The following SPIDR variants were observed in gnomAD, a reference collection of about 807,000 sequenced individuals.
SPIDR encodes the protein DNA repair-scaffolding protein.
Under a neutral mutation model 104.6 loss-of-function variants are expected in SPIDR, and 93 were observed. The ratio of observed to expected loss-of-function variants is 0.89; its 90% CI spans 0.75 to 1.06. The LOEUF (loss-of-function observed/expected upper bound fraction) is 1.06, where lower values mean the gene tolerates loss of function less well. Among genes scored for constraint, SPIDR ranks in the 50% least tolerant of loss-of-function variants. SPIDR has a pLI of 0.00. For synonymous variants in SPIDR, 431 were observed against 416.9 expected, an observed-to-expected ratio of 1.03 and a Z score of -0.41; for missense variants, 1,154 against 1,111.2, an observed-to-expected ratio of 1.04 and a Z score of -0.55.
At chr8:47,371,296 G>A (rs2057993346) in intron 5 of SPIDR, among the ~76,000 whole-genome samples, 1 of 152,114 alleles carries the variant, frequency 6.6e-6, no homozygotes, top group Non-Finnish European at 1.5e-5. Flanking sequence ...TAGATCACAG[G>A]GATTAAGAGC....
At chr8:47,588,358 T>TGGG (rs2060560163) in intron 8 of SPIDR, among the ~76,000 whole-genome samples, 1 of 151,486 alleles carries the variant, frequency 6.6e-6, no homozygotes, top group Non-Finnish European at 1.5e-5. Flanking sequence ...TTAAATGGTA[T>TGGG]GTTTTTCCCA....
intron 7 of SPIDR, 87 bp from the exon 8 acceptor site, chr8:47,440,236 G>A (rs2069148244): frequency 2.5e-6 from 3 of 1,195,738 alleles, no homozygotes; most frequent in African/African-American, 1.5e-5. Context: ...ATCTGCATGT[G>A]GATCTTTTTT....
chr8:47,530,769 CTT>C (rs1039348075), intron 8 of SPIDR, among the ~76,000 whole-genome samples: 2 of 152,146 alleles, frequency 1.3e-5, no homozygotes, highest in African/African-American at 4.8e-5. Flanking sequence ...TTTACTGTAA[CTT>C]TTTTACTTCA....
intron 8 of SPIDR, among the ~76,000 whole-genome samples, chr8:47,459,339 T>C (rs1719820739): frequency 6.6e-6 from 1 of 152,154 alleles, no homozygotes; most frequent in African/African-American, 2.4e-5. Flanking sequence ...CTGTTCAGGG[T>C]TTCTAATTCT....
At chr8:47,310,415 T>C (rs587718643) in intron 5 of SPIDR, among the ~76,000 whole-genome samples, 1 of 152,020 alleles carries the variant, frequency 6.6e-6, no homozygotes, top group Admixed American at 6.5e-5. Context: ...GGAGTTGTGC[T>C]TTTAATAATT....
At chr8:47,297,069 T>A (rs1444289767) in intron 5 of SPIDR, among the ~76,000 whole-genome samples, 2 of 152,236 alleles carry the variant, frequency 1.3e-5, no homozygotes, top group Admixed American at 1.3e-4. Flanking sequence ...AGATTTTGTA[T>A]CCTGCAACTT....
At chr8:47,660,844 TG>T in intron 10 of SPIDR, 1 of 503,086 alleles carries the variant, frequency 2.0e-6, no homozygotes, top group Non-Finnish European at 2.6e-6. Flanking sequence ...TTAGGAGAGC[TG>T]GCCCTTAATG....
At chr8:47,408,076 T>G (rs1251211980) in intron 7 of SPIDR, 115 bp downstream of exon 7, 1 of 508,616 alleles carries the variant, frequency 2.0e-6, no homozygotes, top group Non-Finnish European at 3.4e-6. Context: ...TTTTAAAAAT[T>G]TTTTCCAACA....
At chr8:47,732,336 T>C (rs1232182012) in intron 19 of SPIDR, 2 of 637,832 alleles carry the variant, frequency 3.1e-6, no homozygotes, top group Admixed American at 4.8e-5. Context: ...AGAGCACCTT[T>C]GCCCATGCCC....
In SPIDR at chr8:47,311,712, C is replaced by CT. The variant is rs782752868; in HGVS notation, c.525+17693dup. 7.1e-3 allele frequency among the ~76,000 whole-genome samples: 1,031 copies of CT among 145,462 alleles called. 5 individuals are homozygous for CT. Among genetic ancestry groups the CT allele is most frequent in the African/African-American group, 6.6e-3 (265 of 39,944 alleles). On this transcript the variant is annotated intron_variant, in intron 5 of 19. Coordinates refer to ENST00000297423, the MANE Select transcript of SPIDR (RefSeq NM_001080394.4). ...AATGCTAATGAATGGTAGCTGACTTCTTTTTTTTTTTATATTATTATTATA... is the reference window on the plus strand; with the variant it reads ...AATGCTAATGAATGGTAGCTGACTTCTTTTTTTTTTTTATATTATTATTATA...
chr8:47,706,565 C>G (rs2081114970), intron 14 of SPIDR, among the ~76,000 whole-genome samples: 1 of 152,168 alleles, frequency 6.6e-6, no homozygotes, highest in Non-Finnish European at 1.5e-5. Context: ...AGTCAGAATC[C>G]TCCGCTGTGC....
At chr8:47,330,006 A>C (rs892753576) in intron 5 of SPIDR, among the ~76,000 whole-genome samples, 1 of 152,236 alleles carries the variant, frequency 6.6e-6, no homozygotes, top group Non-Finnish European at 1.5e-5. Context: ...TTTTAATTAG[A>C]TAATTACTTT....
At chr8:47,304,997 G>A (rs2042880968) in intron 5 of SPIDR, among the ~76,000 whole-genome samples, 1 of 152,172 alleles carries the variant, frequency 6.6e-6, no homozygotes, top group African/African-American at 2.4e-5. Context: ...GAAGGTGTAG[G>A]ACAAAGGTCC....
At chr8:47,306,204 C>T (rs1034991977) in intron 5 of SPIDR, among the ~76,000 whole-genome samples, 6 of 151,878 alleles carry the variant, frequency 4.0e-5, no homozygotes, top group Non-Finnish European at 8.8e-5. Context: ...TGCAGTGGTG[C>T]GATCTTGACT....
chr8:47,454,805 A>G (rs1359866371), intron 8 of SPIDR, among the ~76,000 whole-genome samples: 23 of 152,090 alleles, frequency 1.5e-4, no homozygotes, highest in African/African-American at 5.3e-4. Context: ...ACTTGAGGCT[A>G]CAGTGTGCTA....
chr8:47,622,449 G>T (rs575855017), intron 10 of SPIDR, among the ~76,000 whole-genome samples: 1 of 152,028 alleles, frequency 6.6e-6, no homozygotes, highest in African/African-American at 2.4e-5. Context: ...GGTAAGACTC[G>T]GCCTGAGTCA....
At chr8:47,618,617 GC>G (rs1359165829) in intron 10 of SPIDR, among the ~76,000 whole-genome samples, 1 of 152,024 alleles carries the variant, frequency 6.6e-6, no homozygotes, top group African/African-American at 2.4e-5. Context: ...TATATACAAG[GC>G]CTTAGTTTTA....
chr8:47,483,142 GT>G (rs1554728448), intron 8 of SPIDR, among the ~76,000 whole-genome samples: 2 of 94,776 alleles, frequency 2.1e-5, no homozygotes, highest in East Asian at 3.1e-4. Flanking sequence ...TTTTTTGTTT[GT>G]TTTGTTTTGT....
chr8:47,570,582 T>C (rs1461918586), intron 8 of SPIDR, among the ~76,000 whole-genome samples: 1 of 152,162 alleles, frequency 6.6e-6, no homozygotes, highest in Admixed American at 6.5e-5. Flanking sequence ...TTAAGAACTT[T>C]TGTGCTTCAA....
Sources: allele counts gnomAD v4.1 joint callset (sites outside exome capture counted in the v4.1 genomes callset), GRCh38; gene constraint gnomAD v4.1.1; transcripts MANE v1.5; gene names NCBI Gene and HGNC (gene_info 2026-07-23, HGNC 2026-07-21).